The following DNAH14 variants were observed in gnomAD, a reference collection of about 807,000 sequenced individuals.
DNAH14 encodes dynein axonemal heavy chain 14.
DNAH14 carries 478 observed loss-of-function variants against 520.9 expected under a neutral mutation model. The observed-to-expected ratio is 0.92, with a 90% CI of 0.85 to 0.99. The LOEUF is 0.99. Ranked by LOEUF, DNAH14 falls within the 50% of genes least tolerant of loss-of-function variation. The pLI, the probability that DNAH14 is intolerant of heterozygous loss-of-function variation, is 0.00. For synonymous variants in DNAH14, 1,581 were observed against 1,757.2 expected, an observed-to-expected ratio of 0.90 and a Z score of 2.51; for missense variants, 4,831 against 5,234.5, an observed-to-expected ratio of 0.92 and a Z score of 2.38.
intron 66 of DNAH14, among the ~76,000 whole-genome samples, chr1:225,333,983 G>A (rs2094856653): frequency 6.6e-6 from 1 of 152,102 alleles, no homozygotes; most frequent in South Asian, 2.1e-4. Context: ...AATAATTTTA[G>A]ATTGGATCCC....
At chr1:225,012,086 T>C (rs1178577732) in intron 10 of DNAH14, among the ~76,000 whole-genome samples, 2 of 152,176 alleles carry the variant, frequency 1.3e-5, no homozygotes, top group Non-Finnish European at 1.5e-5. Context: ...CAGTGGCTGG[T>C]ACCGGTTTTT....
intron 17 of DNAH14, among the ~76,000 whole-genome samples, chr1:225,069,336 G>A (rs556260931): frequency 7.2e-5 from 11 of 152,320 alleles, no homozygotes. Flanking sequence ...AATGTTGGCT[G>A]CGGGTTTGTC....
At chr1:224,998,563 T>A (rs1265503584) in intron 8 of DNAH14, among the ~76,000 whole-genome samples, 2 of 152,336 alleles carry the variant, frequency 1.3e-5, no homozygotes, top group Non-Finnish European at 2.9e-5. Flanking sequence ...TTAGATATTT[T>A]ATTATTTTTT....
In DNAH14 at chr1:225,050,360, C is replaced by G; in HGVS notation, c.2063C>G (p.Pro688Arg). ...PDCHILFETD[P>R]AYQNIIVNLL... ...TGTCACATCCTTTTTGAAACAGATC[C>G]TGCCTACCAAAATATAGTAAGTTTT... The change falls in exon 16 of 86, where the codon CCT (proline) becomes CGT (arginine). Residue 688 changes from proline (P) to arginine (R), a missense_variant. By Grantham distance (103) the Pro-to-Arg change is moderately radical (BLOSUM62 -2). Transcript: ENST00000682510. The G allele has an allele frequency of 6.5e-7, 1 of 1,543,646 alleles. No homozygotes were observed. The highest frequency in any genetic ancestry group is 8.7e-7 in the Non-Finnish European group (1 of 1,144,566).
At chr1:225,223,038 C>T (rs1171425522) in intron 41 of DNAH14, among the ~76,000 whole-genome samples, 1 of 152,160 alleles carries the variant, frequency 6.6e-6, no homozygotes. Flanking sequence ...CCACCTCCTC[C>T]TTCTCCTTCA....
chr1:225,268,450 T>C (rs1310855104), intron 49 of DNAH14, among the ~76,000 whole-genome samples: 1 of 152,220 alleles, frequency 6.6e-6, no homozygotes, highest in Non-Finnish European at 1.5e-5. Context: ...ACCACTCCTA[T>C]TCAACATAGT....
chr1:225,174,168 G>T (rs1034358931), intron 36 of DNAH14, among the ~76,000 whole-genome samples: 4 of 152,082 alleles, frequency 2.6e-5, no homozygotes, highest in Admixed American at 2.0e-4. Context: ...ATTAAATGAC[G>T]AGTCGATGGG....
intron 8 of DNAH14, among the ~76,000 whole-genome samples, chr1:224,991,297 G>C (rs570251236): frequency 6.7e-6 from 1 of 149,780 alleles, no homozygotes; most frequent in Non-Finnish European, 1.5e-5. Flanking sequence ...AGTAGAGATG[G>C]GCTTTCACTG....
chr1:225,360,468 C>T (rs2095480386), intron 74 of DNAH14, among the ~76,000 whole-genome samples: 1 of 152,176 alleles, frequency 6.6e-6, no homozygotes, highest in African/African-American at 2.4e-5. Context: ...CCAGCAGGTG[C>T]TGCTGTCGTT....
intron 46 of DNAH14, among the ~76,000 whole-genome samples, chr1:225,263,280 T>TATATACATGTA (rs1558194294): frequency 6.6e-6 from 1 of 151,490 alleles, no homozygotes; most frequent in African/African-American, 2.4e-5. Flanking sequence ...CTTGGATATC[T>TATATACATGTA]TATAAACATT....
intron 10 of DNAH14, among the ~76,000 whole-genome samples, chr1:225,018,025 A>G (rs1572494319): frequency 6.6e-6 from 1 of 152,216 alleles, no homozygotes; most frequent in Non-Finnish European, 1.5e-5. Context: ...CTTACCTCCA[A>G]ATAATCACAC....
In DNAH14 at chr1:225,358,600, T is replaced by G; in HGVS notation, c.11724T>G (p.Asp3908Glu). The stretch of plus-strand genomic sequence containing the variant: ...AAAGAACTGGAGTTAATTTGAAAGA[T>G]GCATATAAAGGATCCAATGCCAGAA... The part of the protein sequence containing the change: ...YLQRTGVNLK[D>E]AYKGSNARTP... The change falls in exon 74 of 86, where the codon GAT (aspartate) becomes GAG (glutamate). Residue 3908 changes from aspartate (D) to glutamate (E), a missense_variant. Coordinates refer to ENST00000682510, the MANE Select transcript of DNAH14 (RefSeq NM_001367479.1). 6.5e-7 allele frequency: 1 copy of G among 1,549,272 alleles called. No homozygotes were observed. Among genetic ancestry groups the G allele is most frequent in the Non-Finnish European group, 8.7e-7 (1 of 1,146,210 alleles).
chr1:225,059,667 G>T (rs1309173283), intron 17 of DNAH14, among the ~76,000 whole-genome samples: 1 of 152,216 alleles, frequency 6.6e-6, no homozygotes, highest in African/African-American at 2.4e-5. Flanking sequence ...GCTGGTACCA[G>T]TTGTTCCTTT....
rs192351013 is a variant in DNAH14 at position 225,193,204 on chromosome 1, C to A, written c.5886+293C>A. Among the ~76,000 whole-genome samples, 535 of 152,012 alleles carry A rather than the reference C, an allele frequency of 3.5e-3. 4 individuals carry two copies. Among genetic ancestry groups the A allele is most frequent in the African/African-American group, 0.012 (518 of 41,460 alleles). Reference sequence around the variant, plus strand: ...AAATGATCTAGTGATTCCAGCACCACCAAAATACCTTGCAAATTAATGAGA... The same window carrying A: ...AAATGATCTAGTGATTCCAGCACCAACAAAATACCTTGCAAATTAATGAGA... On this transcript the variant is annotated intron_variant, in intron 38 of 85. Transcript: ENST00000682510.
chr1:224,976,567 A>G (rs1044894094), intron 8 of DNAH14, among the ~76,000 whole-genome samples: 1 of 152,190 alleles, frequency 6.6e-6, no homozygotes, highest in Non-Finnish European at 1.5e-5. Context: ...AAAATGGGAG[A>G]AAATTTTCGC....
chr1:225,084,600 A>G (rs917512606), intron 20 of DNAH14, among the ~76,000 whole-genome samples: 5 of 152,068 alleles, frequency 3.3e-5, no homozygotes, highest in Admixed American at 1.3e-4. Context: ...GCTCAATGGT[A>G]TGCATATGAT....
chr1:225,026,422 A>G lies in DNAH14; in HGVS notation c.1358+2557A>G, dbSNP rs141579446. Among the ~76,000 whole-genome samples the G allele has an allele frequency of 1.1e-3, 172 of 152,168 alleles. 1 individual carries two copies. Among genetic ancestry groups the G allele is most frequent in the Admixed American group, 2.2e-3 (33 of 15,262 alleles). On this transcript the variant is annotated intron_variant, in intron 11 of 85. Coordinates refer to ENST00000682510, the MANE Select transcript of DNAH14 (RefSeq NM_001367479.1). ...TTTAGGCTTTGATGCATTTTGAGTTAATTTTTGTAGATGGTATGAGATAGG... is the reference window on the plus strand; with the variant it reads ...TTTAGGCTTTGATGCATTTTGAGTTGATTTTTGTAGATGGTATGAGATAGG...
At position 225,126,231 on chromosome 1, in the gene DNAH14, C is replaced by A. The variant is rs557034156; in HGVS notation, c.4254+2617C>A. On this transcript the variant is annotated intron_variant, in intron 27 of 85. Transcript: ENST00000682510. ...GAACACATACTATTGGAAAAAATGACACTGATAGACTTGCTCAATGCAGGG... is the reference window on the plus strand; with the variant it reads ...GAACACATACTATTGGAAAAAATGAAACTGATAGACTTGCTCAATGCAGGG... 4.1e-3 allele frequency among the ~76,000 whole-genome samples: 630 copies of A among 152,202 alleles called. 4 individuals carry two copies. The highest frequency in any genetic ancestry group is 6.5e-3 in the Non-Finnish European group (442 of 67,994).
chr1:225,157,551 A>G (rs2081161445), intron 34 of DNAH14, among the ~76,000 whole-genome samples: 1 of 152,210 alleles, frequency 6.6e-6, no homozygotes, highest in Non-Finnish European at 1.5e-5. Flanking sequence ...GTCCAATAAC[A>G]GAATATTGTA....
Sources: allele counts gnomAD v4.1 joint callset (sites outside exome capture counted in the v4.1 genomes callset), GRCh38; gene constraint gnomAD v4.1.1; transcripts MANE v1.5; gene names NCBI Gene and HGNC (gene_info 2026-07-23, HGNC 2026-07-21).